Variants in MIER3 observed in about 807,000 individuals in gnomAD.
The protein encoded by MIER3 is MIER family member 3.
MIER3 carries 9 observed loss-of-function variants against 63.2 expected under a neutral mutation model. The observed-to-expected ratio is 0.14, with a 90% CI of 0.09 to 0.25. MIER3 has a LOEUF of 0.25. MIER3 is among the 10% of genes least tolerant of loss of function. The pLI is 1.00. For synonymous variants in MIER3, 205 were observed against 224.9 expected, an observed-to-expected ratio of 0.91 and a Z score of 0.79; for missense variants, 512 against 666.2, an observed-to-expected ratio of 0.77 and a Z score of 2.55.
chr5:56,930,522 G>T, intron 9 of MIER3, 142 bp downstream of exon 9: 1 of 708,730 alleles, frequency 1.4e-6, no homozygotes, highest in South Asian at 1.7e-5. Flanking sequence ...TGCAAGAAAA[G>T]GAAAAATTAT....
At position 56,921,753 on chromosome 5, in the gene MIER3, C is replaced by T. The variant is rs550325947; in HGVS notation, c.*1375G>A. ...TTTTTGCAAAGCAACTAGTAAAAAT[C>T]AAGAATTTTAATTAAGACGGTGCAA... On this transcript the variant is annotated 3_prime_UTR_variant, in exon 13 of 13. Coordinates refer to ENST00000381199, the MANE Select transcript of MIER3 (RefSeq NM_001297599.2). 2.0e-5 allele frequency: 3 copies of T among 152,584 alleles called. No individual in the cohort carries two copies. Among genetic ancestry groups the T allele is most frequent in the Non-Finnish European group, 4.4e-5 (3 of 68,012 alleles). The allele number at this position is 152,584 out of a possible 1,614,324, so 9.5% of individuals were successfully genotyped here.
At chr5:56,924,158 GTTCTGAACAC>G in intron 10 of MIER3, 116 bp from the exon 11 acceptor site, 1 of 971,524 alleles carries the variant, frequency 1.0e-6, no homozygotes, top group East Asian at 2.5e-5. Flanking sequence ...CCATTATATA[GTTCTGAACAC>G]TTTTAATAAA....
At chr5:56,928,528 T>C (rs918973065) in intron 10 of MIER3, 2 of 308,216 alleles carry the variant, frequency 6.5e-6, no homozygotes, top group Non-Finnish European at 1.2e-5. Context: ...TCCTAAAAAA[T>C]ACAGTGAGTC....
intron 10 of MIER3, 80 bp downstream of exon 10, chr5:56,928,687 T>A (rs1750123755): frequency 1.0e-6 from 1 of 990,950 alleles, no homozygotes; most frequent in African/African-American, 1.6e-5. Flanking sequence ...TGTTCTTTTT[T>A]CCTACTTAAG....
intron 3 of MIER3, among the ~76,000 whole-genome samples, chr5:56,942,345 G>A (rs1343796042): frequency 6.6e-6 from 1 of 152,216 alleles, no homozygotes; most frequent in Non-Finnish European, 1.5e-5. Context: ...TGTTGTAAGG[G>A]AAGTAGAATG....
chr5:56,950,655 A>AGG lies in MIER3; in HGVS notation c.10-5_10-4dup, dbSNP rs1750988822. 6.2e-7 allele frequency: 1 copy of AGG among 1,613,514 alleles called. No individual in the cohort carries two copies. The highest frequency in any genetic ancestry group is 8.5e-7 in the Non-Finnish European group (1 of 1,179,748). On this transcript the variant is annotated splice_region_variant and splice_polypyrimidine_tract_variant and intron_variant, in intron 1 of 12. Transcript: ENST00000381199. Reference sequence around the variant, plus strand: ...GGGCTCGAACTTCCAAAAGAAGCCTAGGAGAGAGAGAAGAAAACGTGAGGT... The same window carrying AGG: ...GGGCTCGAACTTCCAAAAGAAGCCTAGGGGAGAGAGAGAAGAAAACGTGAGGT...
rs1258280845 is a variant in MIER3 at position 56,919,873 on chromosome 5, T to C, written c.*3255A>G. 2 of 152,728 alleles carry C rather than the reference T, an allele frequency of 1.3e-5. No individual in the cohort carries two copies. The highest frequency in any genetic ancestry group is 1.9e-4 in the East Asian group (1 of 5,186). 9.5% of individuals were successfully genotyped at this position (152,728 alleles called of 1,614,324 possible). A position where few individuals can be genotyped will look rare whatever the true frequency, so the allele number is the denominator to read the frequency against. On this transcript the variant is annotated 3_prime_UTR_variant, in exon 13 of 13. Coordinates refer to ENST00000381199, the MANE Select transcript of MIER3 (RefSeq NM_001297599.2). Reference sequence around the variant, plus strand: ...CTACCATATTTAACAATAAAACTAATAGTTTCCTCCATTTAGTGAAAAAAT... The same window carrying C: ...CTACCATATTTAACAATAAAACTAACAGTTTCCTCCATTTAGTGAAAAAAT...
At chr5:56,924,562 A>G (rs971566416) in intron 10 of MIER3, among the ~76,000 whole-genome samples, 1 of 152,244 alleles carries the variant, frequency 6.6e-6, no homozygotes, top group Admixed American at 6.5e-5. Flanking sequence ...CCCTTGGCAA[A>G]TGGACCAACG....
chr5:56,947,266 A>T (rs772092185), intron 2 of MIER3, 195 bp from the exon 3 acceptor site: 1 of 500,740 alleles, frequency 2.0e-6, no homozygotes, highest in Non-Finnish European at 3.3e-6. Context: ...CAAAATAACA[A>T]GGCAAAGTTA....
At chr5:56,923,877 TA>T (rs1369624204) in intron 11 of MIER3, 37 bp downstream of exon 11, 1 of 1,614,014 alleles carries the variant, frequency 6.2e-7, no homozygotes, top group African/African-American at 1.3e-5. Flanking sequence ...ATATTACAGT[TA>T]AAAGTAAGTC....
chr5:56,936,674 C>T (rs1195109290), intron 5 of MIER3, among the ~76,000 whole-genome samples: 1 of 152,104 alleles, frequency 6.6e-6, no homozygotes, highest in African/African-American at 2.4e-5. Flanking sequence ...CTATGCCCAG[C>T]TAAGTTTTTT....
chr5:56,935,329 A>G (rs1000915748), intron 7 of MIER3, 99 bp downstream of exon 7: 4 of 876,844 alleles, frequency 4.6e-6, no homozygotes, highest in Non-Finnish European at 7.0e-6. Context: ...AAATCTATCT[A>G]TCTATTGCCA....
chr5:56,939,850 G>GT (rs1750579108), intron 3 of MIER3, among the ~76,000 whole-genome samples: 1 of 152,236 alleles, frequency 6.6e-6, no homozygotes, highest in Non-Finnish European at 1.5e-5. Flanking sequence ...ACATACAGCT[G>GT]TGGTAGGAAT....
At chr5:56,925,456 A>G (rs942105673) in intron 10 of MIER3, 2 of 352,218 alleles carry the variant, frequency 5.7e-6, no homozygotes, top group Non-Finnish European at 1.1e-5. Context: ...GCTTTCCTAT[A>G]TAACAGCAAT....
At position 56,922,013 on chromosome 5, in the gene MIER3, T is replaced by C. The variant is rs1206546848; in HGVS notation, c.*1115A>G. 2 of 152,658 alleles carry C rather than the reference T, an allele frequency of 1.3e-5. No individual in the cohort carries two copies. The highest frequency in any genetic ancestry group is 1.3e-4 in the Admixed American group (2 of 15,282). 9.5% of individuals were successfully genotyped at this position (152,658 alleles called of 1,614,324 possible). A position where few individuals can be genotyped will look rare whatever the true frequency, so the allele number is the denominator to read the frequency against. On this transcript the variant is annotated 3_prime_UTR_variant, in exon 13 of 13. Transcript: ENST00000381199. ...AAAACTTAAAAGTGGTAATGTACCA[T>C]TCTATTTCAGATAGGAACTCACATT...
intron 3 of MIER3, among the ~76,000 whole-genome samples, chr5:56,944,522 A>G (rs901687027): frequency 2.0e-5 from 3 of 152,062 alleles, no homozygotes; most frequent in African/African-American, 7.2e-5. Flanking sequence ...TACAATCAAC[A>G]AGGCCTCTGA....
chr5:56,925,303 A>T (rs1251839848), intron 10 of MIER3: 1 of 454,118 alleles, frequency 2.2e-6, no homozygotes, highest in South Asian at 1.6e-5. Context: ...CAGATTGGGA[A>T]GGAAGAAATA....
chr5:56,933,525 A>AATCCGATT (rs1262990618), intron 7 of MIER3, 127 bp from the exon 8 acceptor site: 5 of 823,686 alleles, frequency 6.1e-6, no homozygotes, highest in Non-Finnish European at 8.9e-6. Context: ...AGACACCAGT[A>AATCCGATT]ATCCGATTAT....
At chr5:56,945,237 T>A (rs1488273004) in intron 3 of MIER3, among the ~76,000 whole-genome samples, 6 of 151,934 alleles carry the variant, frequency 3.9e-5, no homozygotes, top group Admixed American at 3.9e-4. Context: ...CCGAGGCAGG[T>A]GGACTGCCTG....
Sources: gnomAD v4.1 joint callset for allele counts (sites outside exome capture counted in the v4.1 genomes callset) on GRCh38, gnomAD v4.1.1 for gene constraint, MANE v1.5 for transcripts, NCBI Gene and HGNC (gene_info 2026-07-23, HGNC 2026-07-21) for gene names.